Variants in DAB1 observed in about 807,000 individuals in gnomAD.
The protein encoded by DAB1 is disabled homolog 1.
A neutral mutation model predicts 64.6 loss-of-function variants in DAB1; 15 were observed. The ratio of observed to expected loss-of-function variants is 0.23; its 90% confidence interval spans 0.16 to 0.36. DAB1 has a LOEUF of 0.36. Among genes scored for constraint, DAB1 ranks in the 10% least tolerant of loss-of-function variants. DAB1 has a pLI of 1.00. For missense variants in DAB1, 596 were observed against 706.7 expected (o/e 0.84, Z 1.78); for synonymous variants, 235 against 251.9 (o/e 0.93, Z 0.64).
At position 57,687,600 on chromosome 1, in the gene DAB1, A is replaced by C. The variant is rs1383502708; in HGVS notation, n.552-37935T>G. Among the ~76,000 whole-genome samples the C allele has an allele frequency of 2.3e-4, 13 of 57,518 alleles. No individual in the cohort carries two copies. The East Asian group carries it at 5.0e-3, about 22-fold the overall frequency. The allele number at this position is 57,518 out of a possible 152,430, so 37.7% of individuals were successfully genotyped here. On this transcript the variant is annotated intron_variant and non_coding_transcript_variant, in intron 6 of 20. Transcript: ENST00000485760. The stretch of plus-strand genomic sequence containing the variant: ...AATATCGAAAGTAATCTTAAGAAAC[A>C]AAAAAAAAAAAAAAAAAAAGAAAAA...
At chr1:57,833,475 G>T (rs1325156630) in intron 1 of DAB1, among the ~76,000 whole-genome samples, 2 of 152,128 alleles carry the variant, frequency 1.3e-5, no homozygotes, top group Non-Finnish European at 2.9e-5. Flanking sequence ...TAAAAGCCAG[G>T]CACTGTCCTT....
chr1:57,427,007 G>A (rs549531166), upstream of DAB1, among the ~76,000 whole-genome samples: 21 of 151,766 alleles, frequency 1.4e-4, no homozygotes, highest in East Asian at 4.1e-3. Context: ...GGGACTACAG[G>A]AGCCCGCCAC....
At chr1:57,198,645 T>TCA (rs1398820873) in intron 2 of DAB1, among the ~76,000 whole-genome samples, 2 of 118,488 alleles carry the variant, frequency 1.7e-5, no homozygotes, top group Non-Finnish European at 3.5e-5. Context: ...GCATCTTCTC[T>TCA]CTCTCACACA....
chr1:57,807,719 C>T (rs894743520), intron 6 of DAB1, among the ~76,000 whole-genome samples: 49 of 151,794 alleles, frequency 3.2e-4, no homozygotes, highest in African/African-American at 1.1e-3. Context: ...TGAGTGTGCC[C>T]GCCTCTCCCA....
At chr1:57,473,153 C>CGTG (rs1687201197) in intron 7 of DAB1, among the ~76,000 whole-genome samples, 3 of 152,204 alleles carry the variant, frequency 2.0e-5, no homozygotes, top group African/African-American at 7.2e-5. Context: ...AGTAGTCAGA[C>CGTG]AGACCTAGGT....
At chr1:57,300,884 AT>A (rs1168666069) in intron 1 of DAB1, among the ~76,000 whole-genome samples, 1 of 152,168 alleles carries the variant, frequency 6.6e-6, no homozygotes, top group East Asian at 1.9e-4. Context: ...TTATTCATTG[AT>A]TCATTGACTA....
intron 7 of DAB1, among the ~76,000 whole-genome samples, chr1:57,515,336 G>A (rs1339580515): frequency 6.6e-6 from 1 of 152,174 alleles, no homozygotes; most frequent in Non-Finnish European, 1.5e-5. Flanking sequence ...GATTTATTTA[G>A]GAAGAGAGGG....
chr1:57,068,034 C>T (rs553966026), intron 8 of DAB1, among the ~76,000 whole-genome samples: 4 of 152,288 alleles, frequency 2.6e-5, no homozygotes, highest in South Asian at 4.1e-4. Flanking sequence ...TTCCAGTACA[C>T]TAGGATGTCT....
chr1:57,065,690 T>A (rs940932990), intron 8 of DAB1, among the ~76,000 whole-genome samples: 3 of 152,210 alleles, frequency 2.0e-5, no homozygotes, highest in African/African-American at 7.2e-5. Flanking sequence ...AGTAACACAA[T>A]GTTTTAGAGA....
At chr1:57,300,614 A>G (rs1245184682) in intron 1 of DAB1, among the ~76,000 whole-genome samples, 1 of 152,146 alleles carries the variant, frequency 6.6e-6, no homozygotes, top group Non-Finnish European at 1.5e-5. Context: ...CTGCAGAAGG[A>G]GAGATAGGCC....
intron 7 of DAB1, among the ~76,000 whole-genome samples, chr1:57,508,528 A>G (rs976993718): frequency 6.6e-6 from 1 of 152,212 alleles, no homozygotes; most frequent in African/African-American, 2.4e-5. Flanking sequence ...CTTTTTCTAT[A>G]AAGTGGCCAG....
At chr1:58,016,305 G>A (rs575624451) in intron 5 of DAB1, among the ~76,000 whole-genome samples, 3 of 152,212 alleles carry the variant, frequency 2.0e-5, no homozygotes, top group Admixed American at 6.5e-5. Context: ...TCAATAAAAC[G>A]TGATTTACAA....
At chr1:57,971,231 T>TG (rs1438576829) in intron 5 of DAB1, among the ~76,000 whole-genome samples, 4 of 152,226 alleles carry the variant, frequency 2.6e-5, no homozygotes, top group Non-Finnish European at 5.9e-5. Flanking sequence ...TCCCTTGACT[T>TG]GGACAAAATT....
chr1:57,085,868 G>A (rs1247997824), intron 4 of DAB1, among the ~76,000 whole-genome samples: 1 of 152,190 alleles, frequency 6.6e-6, no homozygotes, highest in Non-Finnish European at 1.5e-5. Flanking sequence ...GGCATAGCCA[G>A]GGTAAGCATG....
chr1:57,623,165 G>C (rs922751211), intron 7 of DAB1, among the ~76,000 whole-genome samples: 1 of 152,168 alleles, frequency 6.6e-6, no homozygotes, highest in African/African-American at 2.4e-5. Context: ...ATCAAGCAAA[G>C]CCGCCTGGCA....
At chr1:57,731,827 T>C (rs536679369) in intron 6 of DAB1, among the ~76,000 whole-genome samples, 1 of 151,780 alleles carries the variant, frequency 6.6e-6, no homozygotes, top group South Asian at 2.1e-4. Flanking sequence ...ATAATAATAA[T>C]TGATGAGTAA....
At chr1:58,521,917 A>G (rs548186860) in intron 2 of DAB1, among the ~76,000 whole-genome samples, 76 of 152,340 alleles carry the variant, frequency 5.0e-4, no homozygotes, top group Non-Finnish European at 1.0e-3. Context: ...TTATGAGGCC[A>G]GCATAACTTT....
chr1:57,202,367 G>C (rs1371570912), intron 2 of DAB1, among the ~76,000 whole-genome samples: 3 of 152,272 alleles, frequency 2.0e-5, no homozygotes, highest in African/African-American at 7.2e-5. Flanking sequence ...TTTTTGATGA[G>C]GACAGATTTT....
At chr1:58,002,999 TATA>T (rs1646529614) in intron 5 of DAB1, among the ~76,000 whole-genome samples, 1 of 152,198 alleles carries the variant, frequency 6.6e-6, no homozygotes, top group Non-Finnish European at 1.5e-5. Context: ...ATGTCTAGTA[TATA>T]ATGTTATTGT....
Sources: gnomAD v4.1 joint callset for allele counts (sites outside exome capture counted in the v4.1 genomes callset) on GRCh38, gnomAD v4.1.1 for gene constraint, MANE v1.5 for transcripts, NCBI Gene and HGNC (gene_info 2026-07-23, HGNC 2026-07-21) for gene names.